Variants in ABCA2 observed in about 807,000 individuals in gnomAD.
ABCA2 encodes ATP binding cassette subfamily A member 2.
A neutral mutation model predicts 262.8 loss-of-function variants in ABCA2; 84 were observed. That is an observed-to-expected ratio of 0.32 (90% CI 0.27 to 0.38). The LOEUF (loss-of-function observed/expected upper bound fraction) is 0.38. Among genes scored for constraint, ABCA2 ranks in the 10% least tolerant of loss-of-function variants. ABCA2 has a pLI of 1.00. For missense variants in ABCA2, 2,662 were observed against 3,405.9 expected (o/e 0.78, Z 5.44); for synonymous variants, 1,696 against 1,502.9 (o/e 1.13, Z -2.97).
At chr9:137,028,244 G>C, upstream of ABCA2, 2 of 977,940 alleles carry the variant, frequency 2.0e-6, no homozygotes, top group East Asian at 2.3e-4. This position sits in a 1 kb window ranked among gnomAD's most constrained non-coding sequence, Gnocchi z 6.9. Flanking sequence ...GCGCGGGGGC[G>C]GGGCGCTCGG....
In ABCA2 at chr9:137,013,375, G is replaced by GCCCCC; in HGVS notation, c.4551-62_4551-58dup. On this transcript the variant is annotated intron_variant, in intron 29 of 48. Coordinates refer to ENST00000341511, the MANE Select transcript of ABCA2 (RefSeq NM_001606.5). ...CCAGTCTCCGCCCCTCGCCAGCCCC[G>GCCCCC]CCCCCTCGCCCGCCTGGCCCACCAA... The GCCCCC allele has an allele frequency of 3.0e-6, 4 of 1,328,932 alleles. No individual in the cohort carries two copies. The Admixed American group carries it at 6.9e-5, about 23-fold the overall frequency. The allele number at this position is 1,328,932 out of a possible 1,614,324, so 82.3% of individuals were successfully genotyped here.
chr9:137,019,193 C>T lies in ABCA2; in HGVS notation c.1539G>A (p.Leu513=). ...CCCTTGGCACCTGCTGCAGCCAGCG[C>T]AGGTGTTGCTGCAGCCTGCCCTGCT... is the stretch of plus-strand genomic sequence containing the variant. ...FLEQGRLQQH[L]RWLQQYVAEL... The change falls in exon 11 of 49, where the codon CTG becomes CTA. Residue 513 remains leucine (L), a synonymous_variant. Transcript: ENST00000341511. This position sits in a 1 kb window ranked among gnomAD's most constrained non-coding sequence, Gnocchi z 4.4. The T allele has an allele frequency of 1.2e-6, 2 of 1,612,490 alleles. No homozygotes were observed. Among genetic ancestry groups the T allele is most frequent in the Non-Finnish European group, 1.7e-6 (2 of 1,179,784 alleles).
intron 45 of ABCA2, 46 bp downstream of exon 45, chr9:137,009,324 C>T (rs891632139): frequency 2.9e-6 from 3 of 1,043,888 alleles, no homozygotes; most frequent in African/African-American, 3.1e-5. Flanking sequence ...CCTGGCCGCC[C>T]CCCCCGGGCC....
rs901565587 is a variant in ABCA2, at chr9:137,017,773, C to A, written c.2211+14G>T. The A allele has an allele frequency of 8.7e-6, 14 of 1,612,038 alleles. No homozygotes were observed. The highest frequency in any genetic ancestry group is 1.2e-5 in the Non-Finnish European group (14 of 1,179,644). Reference sequence around the variant, plus strand: ...GCCAGCCCGCGCCTCCAGGGAGAGTCCCGGCCCGCGCACCTCCTTGAGCCG... The same window carrying A: ...GCCAGCCCGCGCCTCCAGGGAGAGTACCGGCCCGCGCACCTCCTTGAGCCG... On this transcript the variant is annotated intron_variant, in intron 16 of 48. Coordinates refer to ENST00000341511, the MANE Select transcript of ABCA2 (RefSeq NM_001606.5).
In ABCA2 at chr9:137,019,894, C is replaced by T. The variant is rs1310433111; in HGVS notation, c.1425+442G>A. On this transcript the variant is annotated intron_variant, in intron 10 of 48. Transcript: ENST00000341511. This position sits in a 1 kb window ranked among gnomAD's most constrained non-coding sequence, Gnocchi z 4.4. ...CCACCCTCATCTGTCCCACCCTCATCCTAGGGACCCCCTCTACACCCAGGA... is the reference window on the plus strand; with the variant it reads ...CCACCCTCATCTGTCCCACCCTCATTCTAGGGACCCCCTCTACACCCAGGA... The T allele has an allele frequency of 4.8e-6, 1 of 206,730 alleles. No individual in the cohort carries two copies. The highest frequency in any genetic ancestry group is 2.5e-5 in the African/African-American group (1 of 40,192). 12.8% of individuals were successfully genotyped at this position (206,730 alleles called of 1,614,324 possible).
intron 3 of ABCA2, chr9:137,023,483 A>T: frequency 2.7e-6 from 2 of 728,158 alleles, no homozygotes; most frequent in South Asian, 2.7e-5. Context: ...CTGAAGGAGT[A>T]TGAAGGGAGA....
At chr9:137,018,621 G>T in intron 13 of ABCA2, 98 bp downstream of exon 13, 1 of 1,032,944 alleles carries the variant, frequency 9.7e-7, no homozygotes, top group South Asian at 1.6e-5. Flanking sequence ...AGGCCAGGGC[G>T]CGGCCAAGGA....
rs35180161 is a variant in ABCA2, at chr9:137,019,424, CTTTTT to C, written c.1426-123_1426-119del. 97 of 906,088 alleles carry C rather than the reference CTTTTT, an allele frequency of 1.1e-4. 1 individual carries two copies. Among genetic ancestry groups the C allele is most frequent in the Admixed American group, 1.7e-4 (5 of 29,918 alleles). The allele number at this position is 906,088 out of a possible 1,614,324, so 56.1% of individuals were successfully genotyped here. A position where few individuals can be genotyped will look rare whatever the true frequency, so the allele number is the denominator to read the frequency against. ...ATTGCCAACAACTAACCCTCCCCAC[CTTTTT>C]TTTTTTTTTTTTCCTGAGACAGGGT... is the stretch of plus-strand genomic sequence containing the variant. On this transcript the variant is annotated intron_variant, in intron 10 of 48. Coordinates refer to ENST00000341511, the MANE Select transcript of ABCA2 (RefSeq NM_001606.5). The surrounding 1 kb of genome is among the most constrained non-coding windows in gnomAD (Gnocchi z 4.4).
intron 17 of ABCA2, 23 bp downstream of exon 17, chr9:137,017,479 C>T (rs1374431828): frequency 6.2e-7 from 1 of 1,600,932 alleles, no homozygotes; most frequent in Non-Finnish European, 8.5e-7. Context: ...CCCCAGGTCC[C>T]TCCTACCATG....
chr9:137,010,641 G>A lies in ABCA2; in HGVS notation c.6153C>T (p.Val2051=). The change falls in exon 40 of 49, where the codon GTC becomes GTT. Residue 2051 remains valine (V), a synonymous_variant. Transcript: ENST00000341511. The stretch of plus-strand genomic sequence containing the variant: ...CCACCTTGGTCAGGTTCTCAATCTT[G>A]ACCATGTCATTGTCGGCGTCTCCCC... ...VLRGDADNDM[V]KIENLTKVYK... 1.4e-6 allele frequency: 2 copies of A among 1,387,604 alleles called. No homozygotes were observed. Among genetic ancestry groups the A allele is most frequent in the Non-Finnish European group, 1.9e-6 (2 of 1,035,752 alleles). 86.0% of individuals were successfully genotyped at this position (1,387,604 alleles called of 1,614,324 possible). A position where few individuals can be genotyped will look rare whatever the true frequency, so the allele number is the denominator to read the frequency against.
chr9:137,010,046 C>G lies in ABCA2; in HGVS notation c.6432G>C (p.Thr2144=), dbSNP rs371767377. 3 of 1,601,320 alleles carry G rather than the reference C, an allele frequency of 1.9e-6. No homozygotes were observed. The African/African-American group carries it at 4.0e-5, about 21-fold the overall frequency. The change falls in exon 42 of 49, where the codon ACG becomes ACC. Residue 2144 remains threonine, a synonymous_variant. Coordinates refer to ENST00000341511, the MANE Select transcript of ABCA2 (RefSeq NM_001606.5). ...TGTACAGCTGCAGGTGCTCCCGGGC[C>G]GTGAGCTCGTCGAACAGCGCGTCAC... ...PQCDALFDEL[T]AREHLQLYTR...
At position 137,011,332 on chromosome 9, in the gene ABCA2, G is replaced by C; in HGVS notation, c.5800-23C>G. ...GTCCTGCGGGGTGGCCGGGGTCAGG[G>C]GCACAGGGGTGGCCGGGGTGAGGGG... is the stretch of plus-strand genomic sequence containing the variant. On this transcript the variant is annotated intron_variant, in intron 37 of 48. Transcript: ENST00000341511. This position sits in a 1 kb window ranked among gnomAD's most constrained non-coding sequence, Gnocchi z 8.8. 1 of 1,605,754 alleles carries C rather than the reference G, an allele frequency of 6.2e-7. No homozygotes were observed. Among genetic ancestry groups the C allele is most frequent in the Non-Finnish European group, 8.5e-7 (1 of 1,175,152 alleles).
chr9:137,014,585 C>T, intron 26 of ABCA2, 105 bp downstream of exon 26: 3 of 1,505,456 alleles, frequency 2.0e-6, no homozygotes, highest in Non-Finnish European at 2.7e-6. Context: ...GGCTTCCACC[C>T]AGGACCAGGG....
In ABCA2 at chr9:137,021,848, G is replaced by A. The variant is rs1297786979; in HGVS notation, c.678+43C>T. On this transcript the variant is annotated intron_variant, in intron 7 of 48. Transcript: ENST00000341511. The surrounding 1 kb of genome is among the most constrained non-coding windows in gnomAD (Gnocchi z 6.0). ...CCACGGAGCAGAAGCACCCCCAGAG[G>A]CAGGCAGCACTCCAGGCCCATCCCA... 3 of 1,515,786 alleles carry A rather than the reference G, an allele frequency of 2.0e-6. No individual in the cohort carries two copies. Among genetic ancestry groups the A allele is most frequent in the Admixed American group, 3.9e-5 (2 of 51,552 alleles). The allele number at this position is 1,515,786 out of a possible 1,614,324, so 93.9% of individuals were successfully genotyped here.
In ABCA2 at chr9:137,011,129, T is replaced by C; in HGVS notation, c.5924-24A>G. ...GCCTGCGGGGAGACAGCTCAGGGCC[T>C]GTGCTCTGGGCCTTGCGGGGCCCCC... On this transcript the variant is annotated intron_variant, in intron 38 of 48. Transcript: ENST00000341511. The surrounding 1 kb of genome is among the most constrained non-coding windows in gnomAD (Gnocchi z 8.8). 2 of 1,611,906 alleles carry C rather than the reference T, an allele frequency of 1.2e-6. No homozygotes were observed. Among genetic ancestry groups the C allele is most frequent in the Non-Finnish European group, 1.7e-6 (2 of 1,179,532 alleles).
rs200633976 is a variant in ABCA2 at position 137,018,392 on chromosome 9, G to A, written c.1820-41C>T. The A allele has an allele frequency of 1.4e-3, 1,961 of 1,405,874 alleles. 4 individuals carry two copies. Among genetic ancestry groups the A allele is most frequent in the Non-Finnish European group, 1.3e-3 (1,363 of 1,064,924 alleles). 87.1% of individuals were successfully genotyped at this position (1,405,874 alleles called of 1,614,324 possible). On this transcript the variant is annotated intron_variant, in intron 13 of 48. Transcript: ENST00000341511. ...TGGGGCGGGGCCAAGATGCAGGGGC[G>A]GGACCAAGGCGTGGTGGGGGGGAAA...
chr9:137,011,618 C>G lies in ABCA2; in HGVS notation c.5651+16G>C, dbSNP rs757391139. On this transcript the variant is annotated intron_variant, in intron 36 of 48. Coordinates refer to ENST00000341511, the MANE Select transcript of ABCA2 (RefSeq NM_001606.5). The surrounding 1 kb of genome is among the most constrained non-coding windows in gnomAD (Gnocchi z 8.8). ...CGGTCCCACCTGAGGCCGCTCCCCC[C>G]TCCGCTTCCGCTTACCCATAGAGCA... is the stretch of plus-strand genomic sequence containing the variant. The G allele has an allele frequency of 8.4e-6, 13 of 1,552,806 alleles. No homozygotes were observed. Among genetic ancestry groups the G allele is most frequent in the Non-Finnish European group, 8.7e-6 (10 of 1,148,574 alleles).
Position 137,007,855 on chromosome 9 carries a change from T to C in ABCA2, c.*74A>G. ...CCTGGCAGGCACTGGGGGACTTCTG[T>C]CCCCATTGTTGAGTCCCTGGCCCAG... is the stretch of plus-strand genomic sequence containing the variant. On this transcript the variant is annotated 3_prime_UTR_variant, in exon 49 of 49. Coordinates refer to ENST00000341511, the MANE Select transcript of ABCA2 (RefSeq NM_001606.5). The C allele has an allele frequency of 4.4e-6, 7 of 1,584,678 alleles. No homozygotes were observed. Among genetic ancestry groups the C allele is most frequent in the Admixed American group, 1.7e-5 (1 of 58,614 alleles).
chr9:137,010,360 G>A lies in ABCA2; in HGVS notation c.6186C>T (p.Ser2062=), dbSNP rs1163045560. 1 of 1,572,064 alleles carries A rather than the reference G, an allele frequency of 6.4e-7. No homozygotes were observed. The highest frequency in any genetic ancestry group is 1.3e-5 in the African/African-American group (1 of 74,120). The change falls in exon 41 of 49, where the codon TCC becomes TCT. Residue 2062 remains serine (S), a synonymous_variant. Coordinates refer to ENST00000341511, the MANE Select transcript of ABCA2 (RefSeq NM_001606.5). ...KIENLTKVYK[S]RKIGRILAVD... is the part of the protein sequence containing the mutation. ...CGGCCAGGATACGGCCAATCTTCCG[G>A]GACTTGTAGACCTGGCCAGGAGCCT...
Sources: gnomAD v4.1 joint callset for allele counts on GRCh38, gnomAD v4.1.1 for gene constraint, Gnocchi (gnomAD v3.1) non-coding constraint, MANE v1.5 for transcripts, NCBI Gene and HGNC (gene_info 2026-07-23, HGNC 2026-07-21) for gene names.